Variants in PPP1R9A observed in about 807,000 individuals in gnomAD.
The protein encoded by PPP1R9A is neurabin-1.
Under a neutral mutation model 141.9 loss-of-function variants are expected in PPP1R9A, and 59 were observed. The ratio of observed to expected loss-of-function variants is 0.42; its 90% CI spans 0.34 to 0.52. The LOEUF (loss-of-function observed/expected upper bound fraction) is 0.52, where lower values mean the gene tolerates loss of function less well. PPP1R9A is among the 20% of genes least tolerant of loss of function. PPP1R9A has a pLI of 0.10. For missense variants in PPP1R9A, 1,444 were observed against 1,611.9 expected (o/e 0.90, Z 1.78); for synonymous variants, 500 against 569.7 (o/e 0.88, Z 1.74).
chr7:94,926,943 C>T (rs946305424), intron 2 of PPP1R9A, among the ~76,000 whole-genome samples: 5 of 152,032 alleles, frequency 3.3e-5, no homozygotes, highest in African/African-American at 9.7e-5. Context: ...GTCTTGAAAT[C>T]GTATTTTTTG....
chr7:95,188,595 G>GTTTT (rs1462793245), intron 5 of PPP1R9A, among the ~76,000 whole-genome samples: 1 of 115,798 alleles, frequency 8.6e-6, no homozygotes, highest in African/African-American at 3.6e-5. Flanking sequence ...TCTGTGTTGT[G>GTTTT]TTTTGTTTTT....
chr7:95,022,727 T>C (rs1806172335), intron 2 of PPP1R9A, among the ~76,000 whole-genome samples: 1 of 152,220 alleles, frequency 6.6e-6, no homozygotes, highest in South Asian at 2.1e-4. Flanking sequence ...TCTGCATCTA[T>C]TGAGGTAATC....
intron 2 of PPP1R9A, chr7:95,098,364 G>A (rs1194774456): frequency 1.3e-5 from 2 of 150,400 alleles, no homozygotes; most frequent in African/African-American, 4.9e-5. Flanking sequence ...AGTCTTTATG[G>A]AGACTGAATA....
intron 4 of PPP1R9A, among the ~76,000 whole-genome samples, chr7:95,157,524 G>A (rs774274783): frequency 1.3e-5 from 2 of 152,146 alleles, no homozygotes; most frequent in Admixed American, 6.5e-5. Context: ...AAGGGCTTAC[G>A]CTTGTCCCCT....
intron 2 of PPP1R9A, among the ~76,000 whole-genome samples, chr7:95,039,259 T>A (rs540373147): frequency 6.6e-6 from 1 of 151,430 alleles, no homozygotes; most frequent in East Asian, 2.0e-4. Flanking sequence ...AAGAATGGAG[T>A]CGAAAACTCG....
At chr7:95,109,653 C>A (rs1820187917) in intron 2 of PPP1R9A, among the ~76,000 whole-genome samples, 1 of 151,890 alleles carries the variant, frequency 6.6e-6, no homozygotes, top group Non-Finnish European at 1.5e-5. Flanking sequence ...CCAGCATGGG[C>A]AATATAGTGA....
chr7:94,993,229 A>G (rs1801739050), intron 2 of PPP1R9A, among the ~76,000 whole-genome samples: 1 of 151,762 alleles, frequency 6.6e-6, no homozygotes, highest in African/African-American at 2.4e-5. Flanking sequence ...TGTATTTTAT[A>G]TATTTCTGGG....
At chr7:95,098,776 T>A (rs1478074046) in intron 2 of PPP1R9A, among the ~76,000 whole-genome samples, 1 of 152,146 alleles carries the variant, frequency 6.6e-6, no homozygotes, top group Non-Finnish European at 1.5e-5. Context: ...CTTCCCAAGG[T>A]ACTCAAGACC....
At chr7:95,091,920 T>C (rs929981692) in intron 2 of PPP1R9A, among the ~76,000 whole-genome samples, 1 of 150,450 alleles carries the variant, frequency 6.6e-6, no homozygotes, top group African/African-American at 2.5e-5. Flanking sequence ...ACTTATGTAT[T>C]TCCTGTGTGT....
At position 94,985,585 on chromosome 7, in the gene PPP1R9A, C is replaced by T. The variant is rs559194607; in HGVS notation, c.1395+74077C>T. Among the ~76,000 whole-genome samples, 3 of 152,240 alleles carry T rather than the reference C, an allele frequency of 2.0e-5. No homozygotes were observed. In the South Asian group the frequency reaches 6.2e-4, roughly 32 times the overall value. On this transcript the variant is annotated intron_variant, in intron 2 of 19. Coordinates refer to ENST00000433360, the MANE Select transcript of PPP1R9A (RefSeq NM_001166160.2). ...CCCTTTACCATTATGTGATGGACTT[C>T]TTTGTTTCTTTTGATCTTTGTTGGT...
chr7:95,199,861 A>C (rs1409305424), intron 6 of PPP1R9A, among the ~76,000 whole-genome samples: 2 of 152,154 alleles, frequency 1.3e-5, no homozygotes, highest in African/African-American at 4.8e-5. Flanking sequence ...TATCAGAGAC[A>C]CTGATTTGCT....
At chr7:95,159,520 C>T (rs1269640573) in intron 4 of PPP1R9A, among the ~76,000 whole-genome samples, 1 of 151,860 alleles carries the variant, frequency 6.6e-6, no homozygotes, top group Non-Finnish European at 1.5e-5. Context: ...ACCTGTCAAC[C>T]CATCATTTAA....
chr7:95,146,819 T>G (rs1017300706), intron 4 of PPP1R9A, among the ~76,000 whole-genome samples: 3 of 152,212 alleles, frequency 2.0e-5, no homozygotes, highest in Admixed American at 6.5e-5. Context: ...ATGTGTGGTG[T>G]TGTTTCTGAG....
chr7:95,163,676 A>T (rs780473217), intron 5 of PPP1R9A, among the ~76,000 whole-genome samples: 10 of 152,112 alleles, frequency 6.6e-5, no homozygotes, highest in Non-Finnish European at 1.2e-4. Flanking sequence ...AGATATTTTG[A>T]TGTGGGATGC....
At chr7:95,050,892 TC>T (rs1810701436) in intron 2 of PPP1R9A, among the ~76,000 whole-genome samples, 1 of 152,212 alleles carries the variant, frequency 6.6e-6, no homozygotes, top group Non-Finnish European at 1.5e-5. Flanking sequence ...ATTTTCTTCT[TC>T]CTGCTGGATG....
intron 5 of PPP1R9A, among the ~76,000 whole-genome samples, chr7:95,168,142 G>A (rs1396940174): frequency 3.3e-5 from 5 of 152,058 alleles, no homozygotes; most frequent in East Asian, 3.9e-4. Context: ...ACTTCAAAAT[G>A]TATCACAAGG....
intron 2 of PPP1R9A, among the ~76,000 whole-genome samples, chr7:94,968,234 G>A (rs1471428303): frequency 1.3e-5 from 2 of 151,684 alleles, no homozygotes; most frequent in South Asian, 4.2e-4. Context: ...GTGCAGTGGC[G>A]GGATCTCGGC....
chr7:95,207,743 A>T (rs1213450626), intron 7 of PPP1R9A, among the ~76,000 whole-genome samples: 1 of 152,198 alleles, frequency 6.6e-6, no homozygotes, highest in East Asian at 1.9e-4. Flanking sequence ...ACCTATAGAT[A>T]AGTTATTAGA....
intron 7 of PPP1R9A, among the ~76,000 whole-genome samples, chr7:95,215,060 A>G (rs1361564614): frequency 3.3e-5 from 5 of 151,626 alleles, no homozygotes; most frequent in Admixed American, 1.3e-4. Context: ...CCATGTTGGT[A>G]TGCTGCACCC....
Sources: allele counts gnomAD v4.1 joint callset (sites outside exome capture counted in the v4.1 genomes callset), GRCh38; gene constraint gnomAD v4.1.1; transcripts MANE v1.5; gene names NCBI Gene and HGNC (gene_info 2026-07-23, HGNC 2026-07-21).